The following FBXL7 variants were observed in gnomAD, a reference collection of about 807,000 sequenced individuals.
FBXL7 encodes the protein F-box and leucine rich repeat protein 7, also known as F-box/LRR-repeat protein 7.
A neutral mutation model predicts 38.3 loss-of-function variants in FBXL7; 12 were observed. The observed-to-expected ratio is 0.31, with a 90% CI of 0.20 to 0.51. FBXL7 has a LOEUF of 0.51. FBXL7 is among the 20% of genes least tolerant of loss of function. FBXL7 has a pLI of 0.98. For synonymous variants in FBXL7, 297 were observed against 300.9 expected, an observed-to-expected ratio of 0.99 and a Z score of 0.13; for missense variants, 567 against 676.4, an observed-to-expected ratio of 0.84 and a Z score of 1.79.
At chr5:15,712,219 A>G (rs1012651406) in intron 2 of FBXL7, among the ~76,000 whole-genome samples, 1 of 152,242 alleles carries the variant, frequency 6.6e-6, no homozygotes, top group Non-Finnish European at 1.5e-5. Context: ...CCTGTAGTCA[A>G]ATTTGCAAAA....
intron 2 of FBXL7, among the ~76,000 whole-genome samples, chr5:15,657,371 C>T (rs556630683): frequency 1.3e-5 from 2 of 152,200 alleles, no homozygotes; most frequent in South Asian, 2.1e-4. Flanking sequence ...TATAAAACTA[C>T]TTTAAACAAG....
chr5:15,501,810 C>CT (rs34032011), intron 1 of FBXL7: 3 of 915,356 alleles, frequency 3.3e-6, no homozygotes, highest in Non-Finnish European at 3.9e-6. Context: ...AGAACCTTTT[C>CT]TTTAAGTCAT....
intron 2 of FBXL7, among the ~76,000 whole-genome samples, chr5:15,770,496 G>A (rs77004723): frequency 0.039 from 5,931 of 152,244 alleles, 160 homozygotes; most frequent in East Asian, 0.1. Context: ...ACTTACGACC[G>A]TGAGGCAGAG....
intron 1 of FBXL7, among the ~76,000 whole-genome samples, chr5:15,589,201 A>C (rs958480352): frequency 1.3e-5 from 2 of 152,140 alleles, no homozygotes; most frequent in Non-Finnish European, 2.9e-5. Flanking sequence ...CTGTGGATGC[A>C]GTGAGGGGTA....
chr5:15,710,913 T>TAATTCCCAC, intron 2 of FBXL7, among the ~76,000 whole-genome samples: 1 of 152,188 alleles, frequency 6.6e-6, no homozygotes, highest in East Asian at 1.9e-4. Context: ...TCTTCAATTG[T>TAATTCCCAC]AATTCCCACA....
intron 2 of FBXL7, among the ~76,000 whole-genome samples, chr5:15,680,742 G>C (rs1348473289): frequency 6.6e-6 from 1 of 152,142 alleles, no homozygotes; most frequent in Non-Finnish European, 1.5e-5. Flanking sequence ...AAAAGTTTTA[G>C]GATGCCAATG....
intron 2 of FBXL7, among the ~76,000 whole-genome samples, chr5:15,694,105 A>G (rs183424273): frequency 1.3e-5 from 2 of 152,208 alleles, no homozygotes; most frequent in East Asian, 3.9e-4. Flanking sequence ...ACTCAACCCT[A>G]GACGCTGCTG....
chr5:15,755,428 TTCTC>T (rs1229408815), intron 2 of FBXL7, among the ~76,000 whole-genome samples: 4 of 151,944 alleles, frequency 2.6e-5, no homozygotes, highest in Non-Finnish European at 2.9e-5. Context: ...GTGTGTGATT[TTCTC>T]TCTCTCTCTT....
chr5:15,856,276 A>G (rs1739269396), intron 2 of FBXL7, among the ~76,000 whole-genome samples: 1 of 152,092 alleles, frequency 6.6e-6, no homozygotes, highest in Non-Finnish European at 1.5e-5. Context: ...CCATGATTCA[A>G]ATTATTTCCC....
At chr5:15,578,311 G>A (rs1021034833) in intron 1 of FBXL7, among the ~76,000 whole-genome samples, 1 of 151,894 alleles carries the variant, frequency 6.6e-6, no homozygotes, top group South Asian at 2.1e-4. Context: ...ACATAGCAAT[G>A]TATTGAAAAA....
chr5:15,536,308 G>A (rs1737580883), intron 1 of FBXL7, among the ~76,000 whole-genome samples: 1 of 152,192 alleles, frequency 6.6e-6, no homozygotes. Context: ...TGAGAAGAGG[G>A]ACACCATCCT....
chr5:15,868,722 A>G (rs192608518), intron 2 of FBXL7, among the ~76,000 whole-genome samples: 2 of 152,264 alleles, frequency 1.3e-5, no homozygotes, highest in Non-Finnish European at 2.9e-5. Context: ...AGATGTCTAC[A>G]TGACACAATC....
intron 2 of FBXL7, among the ~76,000 whole-genome samples, chr5:15,854,962 C>T (rs1739212207): frequency 6.6e-6 from 1 of 152,032 alleles, no homozygotes; most frequent in Admixed American, 6.6e-5. Context: ...TACAATAAAA[C>T]AAAAGTAACA....
At chr5:15,793,118 C>T (rs779582477) in intron 2 of FBXL7, among the ~76,000 whole-genome samples, 1 of 152,126 alleles carries the variant, frequency 6.6e-6, no homozygotes, top group Non-Finnish European at 1.5e-5. Flanking sequence ...GGAGCCTTCC[C>T]CTGGTGCAGT....
chr5:15,933,059 G>A (rs1222948211), intron 3 of FBXL7, among the ~76,000 whole-genome samples: 1 of 152,114 alleles, frequency 6.6e-6, no homozygotes, highest in African/African-American at 2.4e-5. Context: ...TATTCTGGAT[G>A]ATTTCTAAGG....
intron 2 of FBXL7, among the ~76,000 whole-genome samples, chr5:15,873,097 C>G (rs1281481281): frequency 6.6e-6 from 1 of 152,160 alleles, no homozygotes; most frequent in Non-Finnish European, 1.5e-5. Flanking sequence ...GTCCACAGTG[C>G]AATCAAATTA....
intron 1 of FBXL7, among the ~76,000 whole-genome samples, chr5:15,573,330 TAG>T (rs1007456500): frequency 6.6e-6 from 1 of 152,082 alleles, no homozygotes; most frequent in African/African-American, 2.4e-5. Context: ...TTTAGAGAAC[TAG>T]AGAGAGGAGG....
At chr5:15,751,388 T>C (rs1736151286) in intron 2 of FBXL7, among the ~76,000 whole-genome samples, 1 of 152,008 alleles carries the variant, frequency 6.6e-6, no homozygotes, top group Non-Finnish European at 1.5e-5. Context: ...AACATGGAGG[T>C]TTAGATGAGA....
chr5:15,544,708 G>A (rs1406331818), intron 1 of FBXL7, among the ~76,000 whole-genome samples: 2 of 152,146 alleles, frequency 1.3e-5, no homozygotes, highest in Non-Finnish European at 2.9e-5. Context: ...TGTGAGTAGG[G>A]AGATTAAACA....
Sources: allele counts gnomAD v4.1 joint callset (sites outside exome capture counted in the v4.1 genomes callset), GRCh38; gene constraint gnomAD v4.1.1; transcripts MANE v1.5; gene names NCBI Gene and HGNC (gene_info 2026-07-23, HGNC 2026-07-21).